Variants in EIF3B observed in about 807,000 individuals in gnomAD.
EIF3B encodes the protein eukaryotic translation initiation factor 3 subunit 9.
EIF3B carries 10 observed loss-of-function variants against 104.6 expected under a neutral mutation model. The observed-to-expected ratio is 0.10, with a 90% CI of 0.06 to 0.16. The LOEUF is 0.16. EIF3B is among the 10% of genes least tolerant of loss of function. The pLI is 1.00. For missense variants in EIF3B, 1,014 were observed against 1,087.9 expected, an observed-to-expected ratio of 0.93 and a Z score of 0.96; for synonymous variants, 542 against 417.2, an observed-to-expected ratio of 1.30 and a Z score of -3.65.
At chr7:2,369,098 T>C (rs1467118140) in intron 9 of EIF3B, among the ~76,000 whole-genome samples, 1 of 152,232 alleles carries the variant, frequency 6.6e-6, no homozygotes, top group East Asian at 1.9e-4. Context: ...TTAATTAATC[T>C]TTAGATGACA....
At chr7:2,370,171 T>C (rs1583170248) in intron 10 of EIF3B, among the ~76,000 whole-genome samples, 2 of 152,332 alleles carry the variant, frequency 1.3e-5, no homozygotes, top group South Asian at 4.1e-4. Flanking sequence ...TTAATATTTA[T>C]TTTATCAAAA....
intron 3 of EIF3B, 103 bp from the exon 4 acceptor site, chr7:2,362,967 G>C: frequency 1.3e-6 from 2 of 1,484,158 alleles, no homozygotes; most frequent in Admixed American, 1.7e-5. Context: ...CACAGCCCTG[G>C]GGGCGGGCAG....
intron 1 of EIF3B, among the ~76,000 whole-genome samples, chr7:2,357,206 A>C (rs1380863852): frequency 6.6e-6 from 1 of 152,224 alleles, no homozygotes; most frequent in African/African-American, 2.4e-5. Flanking sequence ...AATTGGGAAG[A>C]GTCAGAGGAT....
In EIF3B at chr7:2,355,439, G is replaced by A. The variant is rs1172587048; in HGVS notation, c.499+19G>A. 1 of 1,425,398 alleles carries A rather than the reference G, an allele frequency of 7.0e-7. No homozygotes were observed. The highest frequency in any genetic ancestry group is 1.4e-5 in the South Asian group (1 of 70,238). The allele number at this position is 1,425,398 out of a possible 1,614,324, so 88.3% of individuals were successfully genotyped here. On this transcript the variant is annotated intron_variant, in intron 1 of 18. Coordinates refer to ENST00000360876, the MANE Select transcript of EIF3B (RefSeq NM_001037283.2). ...GAGGAAGGTGAGGGCGCCCGGGGCG[G>A]GGCTGGCGAGCGGCGCGGGAGCGTG...
At chr7:2,374,349 T>C in intron 12 of EIF3B, 179 bp from the exon 13 acceptor site, 2 of 548,506 alleles carry the variant, frequency 3.6e-6, no homozygotes, top group East Asian at 2.7e-5. Context: ...ATTTAAAGTA[T>C]GGATCATGAC....
At chr7:2,367,376 C>A (rs1003950912) in intron 9 of EIF3B, among the ~76,000 whole-genome samples, 1 of 152,142 alleles carries the variant, frequency 6.6e-6, no homozygotes, top group South Asian at 2.1e-4. Context: ...TGCCGTCACC[C>A]CAGGGGGTTA....
At position 2,374,624 on chromosome 7, in the gene EIF3B, G is replaced by A. The variant is rs754993404; in HGVS notation, c.1889+18G>A. 2 of 1,611,924 alleles carry A rather than the reference G, an allele frequency of 1.2e-6. No individual in the cohort carries two copies. Among genetic ancestry groups the A allele is most frequent in the South Asian group, 1.1e-5 (1 of 91,022 alleles). On this transcript the variant is annotated intron_variant, in intron 13 of 18. Transcript: ENST00000360876. ...CTGAGGAGGTAGGTGTCTGCGCTCT[G>A]AGCCTGTCCGCCCTGTGAGTAGCGC...
intron 8 of EIF3B, 94 bp downstream of exon 8, chr7:2,366,685 G>C: frequency 6.9e-7 from 1 of 1,442,708 alleles, no homozygotes; most frequent in Non-Finnish European, 9.6e-7. Flanking sequence ...AGAGGAGGAG[G>C]AGGTTTCACA....
In EIF3B at chr7:2,367,747, C is replaced by T. The variant is rs751132634; in HGVS notation, c.1403+702C>T. Among the ~76,000 whole-genome samples, 44 of 149,454 alleles carry T rather than the reference C, an allele frequency of 2.9e-4. 1 individual carries two copies. The highest frequency in any genetic ancestry group is 3.4e-4 in the Non-Finnish European group (23 of 67,520). ...CCTCCCAAAGTGCTGAGATTACAGG[C>T]GTGAGCCACCATGCCCAGCCTGTCA... is the stretch of plus-strand genomic sequence containing the variant. On this transcript the variant is annotated intron_variant, in intron 9 of 18. Transcript: ENST00000360876.
Position 2,355,094 on chromosome 7 carries a change from C to T in EIF3B, c.173C>T (p.Ala58Val), listed in dbSNP as rs1351335362. 5 of 1,338,736 alleles carry T rather than the reference C, an allele frequency of 3.7e-6. No individual in the cohort carries two copies. Among genetic ancestry groups the T allele is most frequent in the East Asian group, 3.1e-5 (1 of 31,812 alleles). 82.9% of individuals were successfully genotyped at this position (1,338,736 alleles called of 1,614,324 possible). A position where few individuals can be genotyped will look rare whatever the true frequency, so the allele number is the denominator to read the frequency against. ...TEASSEEVGIAEAGPESEVRT... is the reference protein window; with the variant it reads ...TEASSEEVGIVEAGPESEVRT... ...GCCTCCAGTGAGGAGGTGGGGATCGCGGAGGCCGGGCCGGAGTCCGAGGTG... is the reference window on the plus strand; with the variant it reads ...GCCTCCAGTGAGGAGGTGGGGATCGTGGAGGCCGGGCCGGAGTCCGAGGTG... The change falls in exon 1 of 19, where the codon GCG (alanine) becomes GTG (valine). Residue 58 changes from alanine to valine, a missense_variant. Physicochemically the swap from Ala to Val is moderately conservative, Grantham distance 64 (BLOSUM62 0). Transcript: ENST00000360876.
At position 2,362,783 on chromosome 7, in the gene EIF3B, A is replaced by G. The variant is rs944833342; in HGVS notation, c.812+19A>G. ...TTGACAAGTGAGTTCAGACTTGGCCACAAGGAAGTGGACGTTGACGTGCAA... is the reference window on the plus strand; with the variant it reads ...TTGACAAGTGAGTTCAGACTTGGCCGCAAGGAAGTGGACGTTGACGTGCAA... On this transcript the variant is annotated intron_variant, in intron 3 of 18. Transcript: ENST00000360876. 1 of 1,613,768 alleles carries G rather than the reference A, an allele frequency of 6.2e-7. No homozygotes were observed. Among genetic ancestry groups the G allele is most frequent in the Non-Finnish European group, 8.5e-7 (1 of 1,179,908 alleles).
intron 2 of EIF3B, 37 bp from the exon 3 acceptor site, chr7:2,362,608 C>T (rs1400363767): frequency 2.5e-6 from 4 of 1,613,058 alleles, no homozygotes; most frequent in Non-Finnish European, 3.4e-6. Context: ...CCTAGCCTTA[C>T]AGTGTGGGTA....
chr7:2,366,780 C>A lies in EIF3B; in HGVS notation c.1356+189C>A, dbSNP rs567828090. 6.2e-6 allele frequency: 5 copies of A among 805,492 alleles called. No individual in the cohort carries two copies. In the South Asian group the frequency reaches 8.8e-5, roughly 14 times the overall value. The allele number at this position is 805,492 out of a possible 1,614,324, so 49.9% of individuals were successfully genotyped here. ...TCTTCAGTCACTCCTGCCCACCTGGCGCAGCCGTGGGAAGTCCTGGATGGG... is the reference window on the plus strand; with the variant it reads ...TCTTCAGTCACTCCTGCCCACCTGGAGCAGCCGTGGGAAGTCCTGGATGGG... On this transcript the variant is annotated intron_variant, in intron 8 of 18. Coordinates refer to ENST00000360876, the MANE Select transcript of EIF3B (RefSeq NM_001037283.2).
rs889806096 is a variant in EIF3B at position 2,355,019 on chromosome 7, G to A, written c.98G>A (p.Gly33Glu). Residue 33 changes from glycine (G) to glutamate (E), a missense_variant, in exon 1 of 19, where the codon GGG (glycine) becomes GAG (glutamate). By Grantham distance (98) the Gly-to-Glu change is moderately conservative (BLOSUM62 -2). Coordinates refer to ENST00000360876, the MANE Select transcript of EIF3B (RefSeq NM_001037283.2). ...QPAAEPPPAE[G>E]LLRPAGPGAP... ...GCCGCCGAGCCGCCGCCAGCCGAGGGGCTGCTGCGGCCCGCGGGGCCCGGC... is the reference window on the plus strand; with the variant it reads ...GCCGCCGAGCCGCCGCCAGCCGAGGAGCTGCTGCGGCCCGCGGGGCCCGGC... 2 of 1,184,700 alleles carry A rather than the reference G, an allele frequency of 1.7e-6. No homozygotes were observed. Among genetic ancestry groups the A allele is most frequent in the Non-Finnish European group, 2.1e-6 (2 of 959,214 alleles). The allele number at this position is 1,184,700 out of a possible 1,614,324, so 73.4% of individuals were successfully genotyped here.
At chr7:2,375,283 G>A (rs1006531332) in intron 13 of EIF3B, 106 bp from the exon 14 acceptor site, 25 of 1,463,462 alleles carry the variant, frequency 1.7e-5, no homozygotes, top group African/African-American at 2.8e-5. Context: ...CCATGTTAAC[G>A]CCGAGGCTGG....
intron 9 of EIF3B, 57 bp downstream of exon 9, chr7:2,367,102 C>CAAAAAAAAA (rs60382761): frequency 1.3e-6 from 1 of 784,920 alleles, no homozygotes. Context: ...AACACAATAC[C>CAAAAAAAAA]AAAAAAAAAA....
At position 2,376,602 on chromosome 7, in the gene EIF3B, T is replaced by C. The variant is rs562138561; in HGVS notation, c.2029-348T>C. On this transcript the variant is annotated intron_variant, in intron 14 of 18. Transcript: ENST00000360876. ...GTAGTGCTATGCAGTTAGCTTACGT[T>C]TGGCACAGGGTTCAGTCCAGTTTAA... is the stretch of plus-strand genomic sequence containing the variant. 53 of 232,224 alleles carry C rather than the reference T, an allele frequency of 2.3e-4. No individual in the cohort carries two copies. The Admixed American group carries it at 2.5e-3, about 11-fold the overall frequency. The allele number at this position is 232,224 out of a possible 1,614,324, so 14.4% of individuals were successfully genotyped here.
At chr7:2,372,204 T>TA (rs145083911) in intron 11 of EIF3B, 33 of 252,148 alleles carry the variant, frequency 1.3e-4, no homozygotes, top group Middle Eastern at 1.4e-3. Context: ...AGACCCTGTC[T>TA]AAAAAAAAGA....
chr7:2,373,764 C>G (rs1780485422), intron 12 of EIF3B: 1 of 152,228 alleles, frequency 6.6e-6, no homozygotes, highest in African/African-American at 2.4e-5. Flanking sequence ...TGCTGCGTGA[C>G]ACGCCTCTCC....
Sources: allele counts gnomAD v4.1 joint callset (sites outside exome capture counted in the v4.1 genomes callset), GRCh38; gene constraint gnomAD v4.1.1; transcripts MANE v1.5; gene names NCBI Gene and HGNC (gene_info 2026-07-23, HGNC 2026-07-21).